The following PDE4B variants were observed in gnomAD, a reference collection of about 807,000 sequenced individuals.
PDE4B encodes the protein 3',5'-cyclic-AMP phosphodiesterase 4B.
A neutral mutation model predicts 82.2 loss-of-function variants in PDE4B; 20 were observed. The ratio of observed to expected loss-of-function variants is 0.24; its 90% confidence interval spans 0.17 to 0.35. The LOEUF (loss-of-function observed/expected upper bound fraction) is 0.35. Among genes scored for constraint, PDE4B ranks in the 10% least tolerant of loss-of-function variants. PDE4B has a pLI of 1.00. For synonymous variants in PDE4B, 320 were observed against 318.9 expected (o/e 1.00, Z -0.04); for missense variants, 655 against 907.2 (o/e 0.72, Z 3.57).
chr1:66,160,357 T>A (rs937605), intron 3 of PDE4B, among the ~76,000 whole-genome samples: 1 of 152,052 alleles, frequency 6.6e-6, no homozygotes, highest in Admixed American at 6.5e-5. Flanking sequence ...TGCTTATGTC[T>A]ATTTAATTGG....
intron 1 of PDE4B, among the ~76,000 whole-genome samples, chr1:65,840,006 A>G (rs895974324): frequency 6.6e-6 from 1 of 152,180 alleles, no homozygotes; most frequent in African/African-American, 2.4e-5. Context: ...TTTGATTTGC[A>G]TTGATTTTAA....
At chr1:66,311,663 G>A (rs372399538) in intron 7 of PDE4B, among the ~76,000 whole-genome samples, 4 of 152,202 alleles carry the variant, frequency 2.6e-5, no homozygotes, top group South Asian at 2.1e-4. Flanking sequence ...CCCCTAATAC[G>A]GCATGCACAT....
chr1:66,072,154 A>T (rs1032247827), intron 3 of PDE4B, among the ~76,000 whole-genome samples: 1 of 152,104 alleles, frequency 6.6e-6, no homozygotes, highest in African/African-American at 2.4e-5. Context: ...CATTCACTGC[A>T]TGCTTCTCCT....
intron 7 of PDE4B, among the ~76,000 whole-genome samples, chr1:66,306,530 G>A (rs1462960121): frequency 6.6e-6 from 1 of 152,128 alleles, no homozygotes; most frequent in Non-Finnish European, 1.5e-5. Flanking sequence ...TGGAGGAATT[G>A]AAGATAAAGC....
At chr1:65,974,507 C>T (rs1650307964) in intron 3 of PDE4B, among the ~76,000 whole-genome samples, 1 of 152,164 alleles carries the variant, frequency 6.6e-6, no homozygotes, top group Non-Finnish European at 1.5e-5. Context: ...CAGACATTAC[C>T]TATTAATCAA....
intron 7 of PDE4B, 72 bp downstream of exon 7, chr1:66,266,159 T>C (rs1655021577): frequency 8.4e-7 from 1 of 1,191,888 alleles, no homozygotes; most frequent in Admixed American, 1.7e-5. Flanking sequence ...TTCAGAACTG[T>C]TTTTTAGAAC....
intron 3 of PDE4B, among the ~76,000 whole-genome samples, chr1:66,148,417 T>A (rs922329324): frequency 1.3e-5 from 2 of 152,198 alleles, no homozygotes; most frequent in African/African-American, 4.8e-5. Context: ...GAAAGCTTTC[T>A]ATGCCGATTC....
chr1:66,306,063 A>G (rs1658254062), intron 7 of PDE4B, among the ~76,000 whole-genome samples: 2 of 152,168 alleles, frequency 1.3e-5, no homozygotes, highest in South Asian at 2.1e-4. Flanking sequence ...ATAAGGGATT[A>G]TAGAAGACAT....
intron 1 of PDE4B, among the ~76,000 whole-genome samples, chr1:65,795,451 G>T (rs1176945703): frequency 1.3e-5 from 2 of 152,220 alleles, no homozygotes; most frequent in Non-Finnish European, 2.9e-5. Context: ...ACTGGCTATT[G>T]TAGCCACCAT....
intron 3 of PDE4B, among the ~76,000 whole-genome samples, chr1:66,224,699 C>G (rs1324375499): frequency 6.6e-6 from 1 of 152,130 alleles, no homozygotes; most frequent in African/African-American, 2.4e-5. Flanking sequence ...ATCCTGGCAG[C>G]AGATCAAGAC....
intron 1 of PDE4B, among the ~76,000 whole-genome samples, chr1:65,889,849 T>C (rs1318788904): frequency 1.3e-5 from 2 of 152,136 alleles, no homozygotes; most frequent in Non-Finnish European, 2.9e-5. Flanking sequence ...ATTTTGTTCC[T>C]ATGGAATACA....
intron 3 of PDE4B, among the ~76,000 whole-genome samples, chr1:65,965,274 G>A (rs1052875336): frequency 6.6e-5 from 10 of 151,978 alleles, no homozygotes; most frequent in African/African-American, 2.4e-4. Flanking sequence ...GGAGAACAAA[G>A]CTTTTACTGT....
chr1:65,808,344 AG>A (rs1418516773), intron 1 of PDE4B, among the ~76,000 whole-genome samples: 1 of 151,842 alleles, frequency 6.6e-6, no homozygotes. Flanking sequence ...GCTAATTTAA[AG>A]AAATTGTAGA....
At chr1:65,792,833 G>C (rs562892992), upstream of PDE4B, among the ~76,000 whole-genome samples, 2 of 152,062 alleles carry the variant, frequency 1.3e-5, no homozygotes, top group South Asian at 4.2e-4. Context: ...AAGTGGCACC[G>C]GCGAGCTGTC....
At chr1:66,149,969 TG>T (rs1646358609) in intron 3 of PDE4B, among the ~76,000 whole-genome samples, 1 of 152,248 alleles carries the variant, frequency 6.6e-6, no homozygotes, top group Non-Finnish European at 1.5e-5. Flanking sequence ...CTTTGTTATG[TG>T]GGTAGCCAGT....
chr1:66,334,333 A>G (rs969667745), intron 8 of PDE4B, among the ~76,000 whole-genome samples: 1 of 152,218 alleles, frequency 6.6e-6, no homozygotes, highest in African/African-American at 2.4e-5. Context: ...TTGAGTGTCA[A>G]TATGCTGTAG....
At chr1:66,216,415 T>C (rs1027983610) in intron 3 of PDE4B, among the ~76,000 whole-genome samples, 11 of 152,068 alleles carry the variant, frequency 7.2e-5, no homozygotes, top group Non-Finnish European at 1.5e-4. Context: ...CCAACAGAGT[T>C]GAGATTTTGC....
chr1:65,913,846 T>C (rs1467046287), intron 2 of PDE4B, among the ~76,000 whole-genome samples: 1 of 152,184 alleles, frequency 6.6e-6, no homozygotes, highest in East Asian at 1.9e-4. Context: ...CCTGGGTGTT[T>C]ATTGAGAATG....
chr1:66,179,329 C>T (rs896233773), intron 3 of PDE4B, among the ~76,000 whole-genome samples: 25 of 152,026 alleles, frequency 1.6e-4, no homozygotes, highest in African/African-American at 5.8e-4. Context: ...ATAATTTTTT[C>T]CTTTATTTGT....
Sources: allele counts gnomAD v4.1 joint callset (sites outside exome capture counted in the v4.1 genomes callset), GRCh38; gene constraint gnomAD v4.1.1; transcripts MANE v1.5; gene names NCBI Gene and HGNC (gene_info 2026-07-23, HGNC 2026-07-21).